Variants in HSD17B3 observed in about 807,000 individuals in gnomAD.
HSD17B3 encodes the protein 17-beta-hydroxysteroid dehydrogenase type 3.
In HSD17B3, 29 loss-of-function variants were observed where a neutral mutation model predicts 41.1. That is an observed-to-expected ratio of 0.71 (90% CI 0.53 to 0.96). The LOEUF (loss-of-function observed/expected upper bound fraction) is 0.96. HSD17B3 is among the 40% of genes least tolerant of loss of function. The probability of loss-of-function intolerance (pLI) is 0.00; values close to 1 mark genes in which losing one functional copy is unlikely to be tolerated. For synonymous variants in HSD17B3, 126 were observed against 145.6 expected, an observed-to-expected ratio of 0.87 and a Z score of 0.97; for missense variants, 323 against 374.6, an observed-to-expected ratio of 0.86 and a Z score of 1.14.
intron 2 of HSD17B3, among the ~76,000 whole-genome samples, chr9:96,272,405 C>CTCTCTCTCTCTCTATATATATATATATA (rs1239816824): frequency 4.6e-5 from 1 of 21,550 alleles, no homozygotes; most frequent in Non-Finnish European, 8.8e-5. Context: ...CTCTCTCTCT[C>CTCTCTCTCTCTCTATATATATATATATA]TATATATATA....
At chr9:96,301,441 G>T (rs577133087) in intron 1 of HSD17B3, among the ~76,000 whole-genome samples, 3 of 148,822 alleles carry the variant, frequency 2.0e-5, no homozygotes, top group African/African-American at 7.4e-5. Flanking sequence ...GGCTGGGTGC[G>T]GTGGCTCACG....
At chr9:96,298,704 G>C (rs557905734) in intron 1 of HSD17B3, among the ~76,000 whole-genome samples, 1 of 152,204 alleles carries the variant, frequency 6.6e-6, no homozygotes, top group East Asian at 1.9e-4. Context: ...TTGGTTAGTT[G>C]GTGTTTTGGA....
At chr9:96,299,800 G>A (rs1417264971) in intron 1 of HSD17B3, among the ~76,000 whole-genome samples, 2 of 152,088 alleles carry the variant, frequency 1.3e-5, no homozygotes, top group East Asian at 1.9e-4. Context: ...ACAGAGCTCA[G>A]GGTACTCTAT....
At chr9:96,279,052 A>T (rs1174729856) in intron 2 of HSD17B3, among the ~76,000 whole-genome samples, 1 of 152,226 alleles carries the variant, frequency 6.6e-6, no homozygotes, top group Non-Finnish European at 1.5e-5. Context: ...ATCCTCCACT[A>T]CGTGGCAGGA....
At chr9:96,247,230 T>C (rs1366709181) in intron 6 of HSD17B3, 1 of 155,004 alleles carries the variant, frequency 6.5e-6, no homozygotes, top group Non-Finnish European at 1.4e-5. Context: ...AAGGTACACA[T>C]TTTACAAATG....
chr9:96,263,059 A>C (rs1228490075), intron 2 of HSD17B3, among the ~76,000 whole-genome samples: 1 of 152,178 alleles, frequency 6.6e-6, no homozygotes, highest in Admixed American at 6.5e-5. Flanking sequence ...GTAGTAACAA[A>C]CTAGCCCCAA....
At chr9:96,277,367 A>G (rs1826505860) in intron 2 of HSD17B3, among the ~76,000 whole-genome samples, 1 of 152,240 alleles carries the variant, frequency 6.6e-6, no homozygotes, top group Admixed American at 6.5e-5. Flanking sequence ...AAAACTTAAT[A>G]GCAAAACAAA....
At chr9:96,275,802 G>C (rs1309285112) in intron 2 of HSD17B3, among the ~76,000 whole-genome samples, 2 of 151,926 alleles carry the variant, frequency 1.3e-5, no homozygotes, top group African/African-American at 2.4e-5. Flanking sequence ...AAAAAATCAT[G>C]AAATAAAGGA....
intron 2 of HSD17B3, among the ~76,000 whole-genome samples, chr9:96,273,687 C>T (rs767518674): frequency 1.4e-3 from 215 of 152,200 alleles, no homozygotes; most frequent in Middle Eastern, 3.2e-3. Context: ...GAGGGATCCC[C>T]TTGGTCATAA....
intron 2 of HSD17B3, among the ~76,000 whole-genome samples, chr9:96,284,866 T>G (rs1343190879): frequency 6.9e-6 from 1 of 145,416 alleles, no homozygotes; most frequent in Non-Finnish European, 1.5e-5. Flanking sequence ...TGAAACGGAG[T>G]CTTGCTCTGT....
Position 96,244,338 on chromosome 9 carries a change from G to A in HSD17B3, c.663C>T (p.Val221=), listed in dbSNP as rs139149152. Residue 221 remains valine, a synonymous_variant, in exon 9 of 11, where the codon GTC becomes GTT. Transcript: ENST00000375263. The part of the protein sequence containing the change: ...ALQEEYKAKE[V]IIQVLTPYAV... Reference sequence around the variant, plus strand: ...CAGCTGCCCACCTCACCTGGATGATGACTTCTTTTGCTTTATATTCCTCTT... The same window carrying A: ...CAGCTGCCCACCTCACCTGGATGATAACTTCTTTTGCTTTATATTCCTCTT... The A allele has an allele frequency of 2.6e-4, 418 of 1,614,048 alleles. No individual in the cohort carries two copies. Among genetic ancestry groups the A allele is most frequent in the Non-Finnish European group, 3.3e-4 (390 of 1,180,016 alleles).
At position 96,251,427 on chromosome 9, in the gene HSD17B3, A is replaced by T; in HGVS notation, c.444T>A (p.Asp148Glu). 2 of 1,613,910 alleles carry T rather than the reference A, an allele frequency of 1.2e-6. No homozygotes were observed. Among genetic ancestry groups the T allele is most frequent in the African/African-American group, 2.7e-5 (2 of 75,048 alleles). Reference protein sequence around the residue: ...LLPSHFLNAPDEIQSLIHCNI... With the variant: ...LLPSHFLNAPEEIQSLIHCNI... ...AAGAGCACAAGTCTACCTGGATTTC[A>T]TCCGGTGCGTTCAGGAAATGGCTTG... Residue 148 changes from aspartate to glutamate, a missense_variant, in exon 5 of 11, where the codon GAT becomes GAA. Coordinates refer to ENST00000375263, the MANE Select transcript of HSD17B3 (RefSeq NM_000197.2).
Position 96,252,849 on chromosome 9 carries a change from G to C in HSD17B3, c.339C>G (p.Tyr113Ter). The C allele has an allele frequency of 6.2e-7, 1 of 1,613,338 alleles. No homozygotes were observed. Among genetic ancestry groups the C allele is most frequent in the East Asian group, 2.2e-5 (1 of 44,864 alleles). The change falls in exon 4 of 11, where the codon TAC (tyrosine) becomes TAG (stop). Residue 113 changes from tyrosine to a stop codon, truncating the protein, a stop_gained. Transcript: ENST00000375263. LOFTEE classifies it high-confidence loss of function. ...CTGCAAGTTTTTCTTTAATATGCTC[G>C]TAGATGTCATCTTTTGTAAAATCTG... ...IQADFTKDDI[Y>*]EHIKEKLAGL...
In HSD17B3 at chr9:96,235,499, G is replaced by C; in HGVS notation, c.894C>G (p.His298Gln). ...TGTTGAGCTTCAGGTATGCCACATA[G>C]TGTGTCAGGAGCAGCCTTTGGAAGG... The part of the protein sequence containing the change: ...SGAFQRLLLT[H>Q]YVAYLKLNTK... The change falls in exon 11 of 11, where the codon CAC becomes CAG. Residue 298 changes from histidine (H) to glutamine (Q), a missense_variant. Coordinates refer to ENST00000375263, the MANE Select transcript of HSD17B3 (RefSeq NM_000197.2). 2.5e-6 allele frequency: 4 copies of C among 1,614,132 alleles called. No homozygotes were observed. The highest frequency in any genetic ancestry group is 3.4e-6 in the Non-Finnish European group (4 of 1,180,020).
chr9:96,260,929 G>T (rs1825832544), intron 2 of HSD17B3, among the ~76,000 whole-genome samples: 1 of 152,158 alleles, frequency 6.6e-6, no homozygotes, highest in African/African-American at 2.4e-5. Flanking sequence ...CACAGTAAAG[G>T]AGAGGGCTCG....
At position 96,249,693 on chromosome 9, in the gene HSD17B3, T is replaced by C. The variant is rs922570670; in HGVS notation, c.489+58A>G. 2.6e-6 allele frequency: 4 copies of C among 1,522,636 alleles called. 1 individual carries two copies. The African/African-American group carries it at 5.5e-5, about 21-fold the overall frequency. 94.3% of individuals were successfully genotyped at this position (1,522,636 alleles called of 1,614,324 possible). A position where few individuals can be genotyped will look rare whatever the true frequency, so the allele number is the denominator to read the frequency against. On this transcript the variant is annotated intron_variant, in intron 6 of 10. Coordinates refer to ENST00000375263, the MANE Select transcript of HSD17B3 (RefSeq NM_000197.2). ...AGTGGATGGGCACAATTCTCCTGAG[T>C]TGCCAAATTTCAAGTTACTACATGT...
chr9:96,245,574 T>TA, intron 7 of HSD17B3, 148 bp from the exon 8 acceptor site: 1 of 696,928 alleles, frequency 1.4e-6, no homozygotes, highest in East Asian at 2.7e-5. Context: ...CTAGGAATGG[T>TA]AAGTGAACTT....
At chr9:96,296,386 G>A (rs779490129) in intron 2 of HSD17B3, among the ~76,000 whole-genome samples, 24 of 152,154 alleles carry the variant, frequency 1.6e-4, no homozygotes, top group African/African-American at 3.4e-4. Flanking sequence ...CTGGCACCTC[G>A]CTCTTGGACT....
chr9:96,301,680 C>T (rs111492237), intron 1 of HSD17B3, among the ~76,000 whole-genome samples: 16 of 142,968 alleles, frequency 1.1e-4, no homozygotes, highest in African/African-American at 3.7e-4. Flanking sequence ...TACTGCACTC[C>T]AGCCCGGGCA....
Sources: gnomAD v4.1 joint callset for allele counts (sites outside exome capture counted in the v4.1 genomes callset) on GRCh38, gnomAD v4.1.1 for gene constraint, MANE v1.5 for transcripts, NCBI Gene and HGNC (gene_info 2026-07-23, HGNC 2026-07-21) for gene names.